The following SPOCK2 variants were observed in gnomAD, a reference collection of about 807,000 sequenced individuals.
The protein encoded by SPOCK2 is testican-2.
SPOCK2 carries 39 observed loss-of-function variants against 60.1 expected under a neutral mutation model. The ratio of observed to expected loss-of-function variants is 0.65; its 90% CI spans 0.50 to 0.85. The LOEUF is 0.85. Among genes scored for constraint, SPOCK2 ranks in the 40% least tolerant of loss-of-function variants. SPOCK2 has a pLI of 0.00. For synonymous variants in SPOCK2, 217 were observed against 231.5 expected, an observed-to-expected ratio of 0.94 and a Z score of 0.57; for missense variants, 523 against 567.4, an observed-to-expected ratio of 0.92 and a Z score of 0.80.
At chr10:72,073,337 G>A (rs1164072216) in intron 1 of SPOCK2, among the ~76,000 whole-genome samples, 3 of 152,320 alleles carry the variant, frequency 2.0e-5, no homozygotes, top group African/African-American at 7.2e-5. Context: ...TTCCTTGTCA[G>A]TCCCCACTCC....
At chr10:72,082,600 T>A (rs1421418584) in intron 1 of SPOCK2, among the ~76,000 whole-genome samples, 4 of 151,960 alleles carry the variant, frequency 2.6e-5, no homozygotes, top group Non-Finnish European at 5.9e-5. Context: ...ATGTCTGTAA[T>A]CCTAGCACTT....
intron 1 of SPOCK2, among the ~76,000 whole-genome samples, chr10:72,074,858 C>T (rs1461886176): frequency 6.6e-6 from 1 of 151,962 alleles, no homozygotes; most frequent in South Asian, 2.1e-4. Flanking sequence ...TGAGCCTCTT[C>T]CTCATCCCTC....
intron 9 of SPOCK2, 140 bp downstream of exon 9, chr10:72,064,037 AC>A: frequency 9.5e-7 from 1 of 1,057,062 alleles, no homozygotes; most frequent in Non-Finnish European, 1.3e-6. Flanking sequence ...GAAGGGGGCA[AC>A]CCTCTTCTGT....
At position 72,087,706 on chromosome 10, in the gene SPOCK2, C is replaced by G. The variant is rs1483565782; in HGVS notation, c.189+434G>C. ...CACTGCCGGCCCCACCCAGACCTGC[C>G]GGTGCTGCAGTGCCCCGTATGTGCA... is the stretch of plus-strand genomic sequence containing the variant. On this transcript the variant is annotated intron_variant, in intron 1 of 10. Coordinates refer to ENST00000373109, the MANE Select transcript of SPOCK2 (RefSeq NM_001244950.2). This position sits in a 1 kb window ranked among gnomAD's most constrained non-coding sequence, Gnocchi z 4.7. 6.6e-6 allele frequency among the ~76,000 whole-genome samples: 1 copy of G among 152,224 alleles called. No homozygotes were observed.
chr10:72,064,059 C>G, intron 9 of SPOCK2, 119 bp downstream of exon 9: 1 of 1,326,742 alleles, frequency 7.5e-7, no homozygotes, highest in Non-Finnish European at 1.0e-6. Context: ...CTTCCTAGGC[C>G]AGGGCCTCCT....
At chr10:72,086,588 C>T (rs904533113) in intron 1 of SPOCK2, 32 of 1,163,234 alleles carry the variant, frequency 2.8e-5, no homozygotes, top group Non-Finnish European at 3.4e-5. Context: ...CAGGAAGCGG[C>T]AGGAGACTGC....
rs967754339 is a variant in SPOCK2, at chr10:72,066,960, G to A, written c.870C>T (p.Asp290=). The A allele has an allele frequency of 1.2e-6, 2 of 1,614,226 alleles. No homozygotes were observed. The highest frequency in any genetic ancestry group is 1.3e-5 in the African/African-American group (1 of 75,060). Residue 290 remains aspartate, a synonymous_variant, in exon 8 of 11, where the codon GAC becomes GAT. Transcript: ENST00000373109. ...TAGAGACCCGGCCATCCTTGTAGGT[G>A]TCACAGGAGTTGAAGAAGGGACGGA... ...VCIRPFFNSC[D]TYKDGRVSTA... is the part of the protein sequence containing the mutation.
chr10:72,072,946 C>T lies in SPOCK2; in HGVS notation c.190-36G>A, dbSNP rs367679748. On this transcript the variant is annotated intron_variant, in intron 1 of 10. Coordinates refer to ENST00000373109, the MANE Select transcript of SPOCK2 (RefSeq NM_001244950.2). Reference sequence around the variant, plus strand: ...GGGAACAGCAGCAGGCCATGGAAAACGGAGCAGGAAGAGAAAGGGAGAAAG... The same window carrying T: ...GGGAACAGCAGCAGGCCATGGAAAATGGAGCAGGAAGAGAAAGGGAGAAAG... The T allele has an allele frequency of 9.7e-5, 151 of 1,553,196 alleles. 2 individuals are homozygous for T. Among genetic ancestry groups the T allele is most frequent in the Non-Finnish European group, 1.2e-4 (143 of 1,147,854 alleles).
chr10:72,078,204 T>C (rs993878142), intron 1 of SPOCK2, among the ~76,000 whole-genome samples: 1 of 152,136 alleles, frequency 6.6e-6, no homozygotes, highest in Non-Finnish European at 1.5e-5. Flanking sequence ...AGAAAAAACA[T>C]AATCATAATC....
Position 72,088,139 on chromosome 10 carries a change from C to T in SPOCK2, c.189+1G>A. On this transcript the variant is annotated splice_donor_variant, in intron 1 of 10. Transcript: ENST00000373109. LOFTEE classifies it high-confidence loss of function. ...CTGCCTTGGCAGCCCTGCGGACTCA[C>T]GTCTCGGAAGCGGTTCCAGTGCTTG... The T allele has an allele frequency of 6.2e-7, 1 of 1,612,132 alleles. No homozygotes were observed.
chr10:72,070,445 G>A lies in SPOCK2; in HGVS notation c.360-19C>T, dbSNP rs1177140588. On this transcript the variant is annotated intron_variant, in intron 4 of 10. Transcript: ENST00000373109. Reference sequence around the variant, plus strand: ...CTTGATCCTACAGGAGAGGGTGGGGGGCACACCAGGGTGGAAGTGACAATG... The same window carrying A: ...CTTGATCCTACAGGAGAGGGTGGGGAGCACACCAGGGTGGAAGTGACAATG... 1 of 1,611,874 alleles carries A rather than the reference G, an allele frequency of 6.2e-7. No homozygotes were observed. The highest frequency in any genetic ancestry group is 2.2e-5 in the East Asian group (1 of 44,854).
At chr10:72,078,363 T>C (rs1220782264) in intron 1 of SPOCK2, among the ~76,000 whole-genome samples, 1 of 151,520 alleles carries the variant, frequency 6.6e-6, no homozygotes, top group Non-Finnish European at 1.5e-5. Context: ...AATACAAAAA[T>C]AGCCGTGTGT....
chr10:72,086,374 T>C, intron 1 of SPOCK2: 1 of 1,000,428 alleles, frequency 1.0e-6, no homozygotes, highest in South Asian at 4.3e-5. Context: ...TGGAAGCAGG[T>C]GGAAGAAGGG....
intron 8 of SPOCK2, among the ~76,000 whole-genome samples, chr10:72,065,318 G>A (rs990506254): frequency 3.3e-5 from 5 of 152,212 alleles, no homozygotes; most frequent in African/African-American, 1.2e-4. Context: ...TTACAGGCGT[G>A]AGCCACCGCG....
intron 1 of SPOCK2, among the ~76,000 whole-genome samples, chr10:72,084,066 T>G (rs1346845900): frequency 6.6e-6 from 1 of 152,134 alleles, no homozygotes; most frequent in Non-Finnish European, 1.5e-5. Flanking sequence ...ACAATATCCC[T>G]GGACCAGACC....
At chr10:72,075,739 C>A (rs1290926972) in intron 1 of SPOCK2, among the ~76,000 whole-genome samples, 1 of 152,192 alleles carries the variant, frequency 6.6e-6, no homozygotes, top group Non-Finnish European at 1.5e-5. Context: ...CGACTTTTTG[C>A]CTCTGCTGTG....
chr10:72,071,876 G>T (rs918305709), intron 4 of SPOCK2, among the ~76,000 whole-genome samples: 1 of 151,814 alleles, frequency 6.6e-6, no homozygotes, highest in Non-Finnish European at 1.5e-5. Flanking sequence ...GGATCCTCCA[G>T]CCCGACAAGC....
intron 1 of SPOCK2, among the ~76,000 whole-genome samples, chr10:72,084,987 A>C (rs1010309120): frequency 1.3e-5 from 2 of 152,338 alleles, no homozygotes; most frequent in Middle Eastern, 6.8e-3. Flanking sequence ...TGGAGTACAA[A>C]GTAGAGAAGA....
At chr10:72,084,914 G>A (rs896211267) in intron 1 of SPOCK2, among the ~76,000 whole-genome samples, 1 of 152,162 alleles carries the variant, frequency 6.6e-6, no homozygotes. Context: ...TATGAACTGT[G>A]CGCCTCCTGG....
Sources: allele counts gnomAD v4.1 joint callset (sites outside exome capture counted in the v4.1 genomes callset), GRCh38; gene constraint gnomAD v4.1.1; non-coding constraint Gnocchi (gnomAD v3.1); transcripts MANE v1.5; gene names NCBI Gene and HGNC (gene_info 2026-07-23, HGNC 2026-07-21).